Variants in NCOR1 observed in about 807,000 individuals in gnomAD.
NCOR1 encodes the protein protein phosphatase 1, regulatory subunit 109.
NCOR1 carries 63 observed loss-of-function variants against 288.1 expected under a neutral mutation model. The observed-to-expected ratio is 0.22, with a 90% CI of 0.18 to 0.27. NCOR1 has a LOEUF of 0.27. Among genes scored for constraint, NCOR1 ranks in the 10% least tolerant of loss-of-function variants. The pLI, the probability that NCOR1 is intolerant of heterozygous loss-of-function variation, is 1.00. For synonymous variants in NCOR1, 1,007 were observed against 1,065.9 expected, an observed-to-expected ratio of 0.94 and a Z score of 1.08; for missense variants, 2,397 against 3,019.2, an observed-to-expected ratio of 0.79 and a Z score of 4.83.
chr17:16,140,558 A>G (rs139395431), intron 11 of NCOR1, among the ~76,000 whole-genome samples: 1 of 152,308 alleles, frequency 6.6e-6, no homozygotes, highest in East Asian at 1.9e-4. Context: ...TCACACCTGT[A>G]ATCCCAGCAC....
intron 44 of NCOR1, among the ~76,000 whole-genome samples, chr17:16,037,550 A>AC (rs1328859044): frequency 6.6e-6 from 1 of 152,236 alleles, no homozygotes; most frequent in Non-Finnish European, 1.5e-5. Flanking sequence ...AATTTCTGGG[A>AC]CATCAAGCCT....
At chr17:16,184,315 T>A (rs2086155360) in intron 3 of NCOR1, among the ~76,000 whole-genome samples, 1 of 152,198 alleles carries the variant, frequency 6.6e-6, no homozygotes, top group Non-Finnish European at 1.5e-5. Flanking sequence ...ACTATGCATC[T>A]GCTAAGGAAT....
chr17:16,130,939 T>A (rs1375942902), intron 14 of NCOR1, among the ~76,000 whole-genome samples: 1 of 151,562 alleles, frequency 6.6e-6, no homozygotes, highest in East Asian at 1.9e-4. Flanking sequence ...TTTGCCCACC[T>A]CAGCCTCCCA....
Position 16,032,187 on chromosome 17 carries a change from T to G in NCOR1, c.*109A>C. The G allele has an allele frequency of 9.0e-7, 1 of 1,111,372 alleles. No individual in the cohort carries two copies. Among genetic ancestry groups the G allele is most frequent in the South Asian group, 1.7e-5 (1 of 57,292 alleles). The allele number at this position is 1,111,372 out of a possible 1,614,324, so 68.8% of individuals were successfully genotyped here. A position where few individuals can be genotyped will look rare whatever the true frequency, so the allele number is the denominator to read the frequency against. On this transcript the variant is annotated 3_prime_UTR_variant, in exon 46 of 46. Transcript: ENST00000268712. ...TCTGTGGGCTGGCTCTCCTGAAAAG[T>G]CTCAGGGAATAAGTCACAGGAGGGC...
chr17:16,194,073 A>G (rs2089235489), intron 2 of NCOR1, among the ~76,000 whole-genome samples: 1 of 152,110 alleles, frequency 6.6e-6, no homozygotes, highest in Admixed American at 6.6e-5. Flanking sequence ...TCTTCCTACC[A>G]TCAATTTCTT....
At chr17:16,106,133 G>A (rs921245670) in intron 19 of NCOR1, among the ~76,000 whole-genome samples, 6 of 151,964 alleles carry the variant, frequency 3.9e-5, no homozygotes, top group East Asian at 3.9e-4. Flanking sequence ...AAACAAAAAC[G>A]GCAGCCATTA....
chr17:16,158,092 G>A (rs1263667684), intron 6 of NCOR1, among the ~76,000 whole-genome samples: 1 of 151,900 alleles, frequency 6.6e-6, no homozygotes, highest in East Asian at 1.9e-4. Flanking sequence ...TCCTGCCTCA[G>A]CCTCTCGAGT....
At chr17:16,130,090 A>G (rs1308609461) in intron 14 of NCOR1, among the ~76,000 whole-genome samples, 2 of 152,218 alleles carry the variant, frequency 1.3e-5, no homozygotes, top group African/African-American at 4.8e-5. Flanking sequence ...ATTAGAGTCT[A>G]GAGAAGTGTT....
At chr17:16,106,816 T>A (rs771709373) in intron 19 of NCOR1, among the ~76,000 whole-genome samples, 3 of 143,904 alleles carry the variant, frequency 2.1e-5, no homozygotes, top group Non-Finnish European at 4.5e-5. Context: ...TCTAGATGAT[T>A]GAGCAGATGT....
intron 5 of NCOR1, among the ~76,000 whole-genome samples, chr17:16,163,190 A>G (rs2081234232): frequency 6.6e-6 from 1 of 152,154 alleles, no homozygotes; most frequent in African/African-American, 2.4e-5. Flanking sequence ...ACAAAATTCA[A>G]AACTTTTATA....
At position 16,051,973 on chromosome 17, in the gene NCOR1, C is replaced by CA. The variant is rs978920486; in HGVS notation, c.6393-2986dup. Among the ~76,000 whole-genome samples, 30 of 152,082 alleles carry CA rather than the reference C, an allele frequency of 2.0e-4. 1 individual carries two copies. The highest frequency in any genetic ancestry group is 5.5e-4 in the African/African-American group (23 of 41,500). ...AGCTGAACTGAAGGAGATTCAGACA[C>CA]AAAAAAACACTCAAAAGATCAACAA... On this transcript the variant is annotated intron_variant, in intron 40 of 45. Transcript: ENST00000268712.
At chr17:16,199,208 A>ACACACACACACAC (rs1568639295) in intron 1 of NCOR1, among the ~76,000 whole-genome samples, 7 of 109,192 alleles carry the variant, frequency 6.4e-5, no homozygotes, top group African/African-American at 1.9e-4. Context: ...CAGAAGGAAA[A>ACACACACACACAC]AAAAAAAAAC....
intron 26 of NCOR1, among the ~76,000 whole-genome samples, chr17:16,077,673 T>A (rs1422513095): frequency 6.6e-6 from 1 of 151,966 alleles, no homozygotes; most frequent in Non-Finnish European, 1.5e-5. Context: ...AAATGCTTTC[T>A]AAGAGTTTGT....
intron 23 of NCOR1, among the ~76,000 whole-genome samples, chr17:16,083,187 C>T (rs925394007): frequency 7.9e-5 from 12 of 151,284 alleles, no homozygotes; most frequent in Admixed American, 3.3e-4. Flanking sequence ...GAGCCGAGAT[C>T]GTGTCACTGC....
Position 16,095,566 on chromosome 17 carries a change from C to T in NCOR1, c.2820+2801G>A, listed in dbSNP as rs1425386977. On this transcript the variant is annotated intron_variant, in intron 21 of 45. Coordinates refer to ENST00000268712, the MANE Select transcript of NCOR1 (RefSeq NM_006311.4). ...GGGGTCAGCCCCCCGCCCGGCCAGC[C>T]GCCCCGTACAGGAGGTGAGGGTCGC... Among the ~76,000 whole-genome samples, 16 of 126,054 alleles carry T rather than the reference C, an allele frequency of 1.3e-4. 1 individual carries two copies. The highest frequency in any genetic ancestry group is 1.5e-4 in the Admixed American group (2 of 12,944). The allele number at this position is 126,054 out of a possible 152,430, so 82.7% of individuals were successfully genotyped here. A position where few individuals can be genotyped will look rare whatever the true frequency, so the allele number is the denominator to read the frequency against.
At chr17:16,063,707 G>A (rs1018836847) in intron 35 of NCOR1, among the ~76,000 whole-genome samples, 1 of 152,114 alleles carries the variant, frequency 6.6e-6, no homozygotes, top group Non-Finnish European at 1.5e-5. Flanking sequence ...GCTGCTAACT[G>A]TATTTTCCAT....
chr17:16,070,046 C>T (rs2152717795), intron 31 of NCOR1, 119 bp downstream of exon 31: 1 of 1,297,590 alleles, frequency 7.7e-7, no homozygotes, highest in South Asian at 1.5e-5. Context: ...TCAAGCAAGA[C>T]CTGTAGATCT....
intron 4 of NCOR1, among the ~76,000 whole-genome samples, chr17:16,170,847 A>G (rs2083017660): frequency 6.6e-6 from 1 of 151,930 alleles, no homozygotes; most frequent in Non-Finnish European, 1.5e-5. Context: ...TCTCAAAAAA[A>G]AAAAAAAAGA....
At chr17:16,167,448 C>T (rs1268930198) in intron 4 of NCOR1, among the ~76,000 whole-genome samples, 1 of 151,080 alleles carries the variant, frequency 6.6e-6, no homozygotes, top group African/African-American at 2.4e-5. Flanking sequence ...CACAAAAAGC[C>T]TCAAGTTAAA....
Sources: gnomAD v4.1 joint callset for allele counts (sites outside exome capture counted in the v4.1 genomes callset) on GRCh38, gnomAD v4.1.1 for gene constraint, MANE v1.5 for transcripts, NCBI Gene and HGNC (gene_info 2026-07-23, HGNC 2026-07-21) for gene names.